The following ABCD2 variants were observed in gnomAD, a reference collection of about 807,000 sequenced individuals.
ABCD2 encodes the protein ATP binding cassette subfamily D member 2.
A neutral mutation model predicts 70.9 loss-of-function variants in ABCD2; 36 were observed. The observed-to-expected ratio is 0.51, with a 90% CI of 0.39 to 0.67. The LOEUF (loss-of-function observed/expected upper bound fraction) is 0.67. Among genes scored for constraint, ABCD2 ranks in the 30% least tolerant of loss-of-function variants. The probability of loss-of-function intolerance (pLI) is 0.00; values close to 1 mark genes in which losing one functional copy is unlikely to be tolerated. For synonymous variants in ABCD2, 304 were observed against 306.9 expected (o/e 0.99, Z 0.10); for missense variants, 729 against 890.2 (o/e 0.82, Z 2.30).
At chr12:39,567,955 C>T (rs943457577) in intron 9 of ABCD2, among the ~76,000 whole-genome samples, 8 of 151,910 alleles carry the variant, frequency 5.3e-5, no homozygotes, top group Non-Finnish European at 8.8e-5. Context: ...ATATTGGCCC[C>T]CACTCTCTTC....
intron 6 of ABCD2, among the ~76,000 whole-genome samples, chr12:39,588,579 A>G (rs888892295): frequency 3.3e-5 from 5 of 152,198 alleles, no homozygotes; most frequent in African/African-American, 1.2e-4. Flanking sequence ...TGGATTGCCA[A>G]TACTTTGACT....
At chr12:39,579,066 A>T (rs1311245166) in intron 8 of ABCD2, among the ~76,000 whole-genome samples, 2 of 152,228 alleles carry the variant, frequency 1.3e-5, no homozygotes, top group Admixed American at 6.5e-5. Flanking sequence ...TTCTACTATA[A>T]GAAAAAATAA....
rs764791765 is a variant in ABCD2 at position 39,619,083 on chromosome 12, C to A, written c.533G>T (p.Arg178Leu). 1.3e-5 allele frequency: 21 copies of A among 1,614,032 alleles called. No individual in the cohort carries two copies. Among genetic ancestry groups the A allele is most frequent in the Non-Finnish European group, 1.4e-5 (16 of 1,180,034 alleles). ...ECKLALAFRTRLVDHAYETYF... is the reference protein window; with the variant it reads ...ECKLALAFRTLLVDHAYETYF... Reference sequence around the variant, plus strand: ...GGTTTCATAGGCGTGGTCTACTAGGCGAGTTCTGAAGGCCAAAGCCAATTT... The same window carrying A: ...GGTTTCATAGGCGTGGTCTACTAGGAGAGTTCTGAAGGCCAAAGCCAATTT... Residue 178 changes from arginine (R) to leucine (L), a missense_variant, in exon 1 of 10, where the codon CGC (arginine) becomes CTC (leucine). By Grantham distance (102) the Arg-to-Leu change is moderately radical (BLOSUM62 -2). Transcript: ENST00000308666.
At chr12:39,592,580 C>G (rs986565939) in intron 6 of ABCD2, among the ~76,000 whole-genome samples, 1 of 152,204 alleles carries the variant, frequency 6.6e-6, no homozygotes, top group African/African-American at 2.4e-5. Context: ...AGTACAACCC[C>G]TACTCCCAAA....
chr12:39,560,802 C>T (rs1197674785), intron 9 of ABCD2, among the ~76,000 whole-genome samples: 4 of 151,788 alleles, frequency 2.6e-5, no homozygotes, highest in Admixed American at 1.3e-4. Context: ...CTCATGGTAA[C>T]CATGAAGCAA....
At chr12:39,601,406 T>C (rs1031230891) in intron 5 of ABCD2, among the ~76,000 whole-genome samples, 1 of 151,270 alleles carries the variant, frequency 6.6e-6, no homozygotes, top group African/African-American at 2.4e-5. Flanking sequence ...TATATAATAT[T>C]CATAAATAAA....
intron 9 of ABCD2, among the ~76,000 whole-genome samples, chr12:39,563,418 A>G (rs1941290729): frequency 6.6e-6 from 1 of 152,066 alleles, no homozygotes; most frequent in Non-Finnish European, 1.5e-5. Flanking sequence ...CAAAAATAAC[A>G]TGTTTTCTGT....
the ABCD2 span, among the ~76,000 whole-genome samples, chr12:39,540,713 T>G: frequency 2.0e-5 from 3 of 152,248 alleles, no homozygotes; most frequent in Non-Finnish European, 2.9e-5. Context: ...GAACATTTCC[T>G]TTCTATGATC....
chr12:39,577,042 C>T (rs953341167), intron 8 of ABCD2, among the ~76,000 whole-genome samples: 4 of 151,052 alleles, frequency 2.6e-5, no homozygotes, highest in Admixed American at 1.3e-4. Flanking sequence ...AAAATAACAA[C>T]GAATTTTTGC....
chr12:39,559,378 CAAAAA>C (rs199560381), intron 9 of ABCD2, among the ~76,000 whole-genome samples: 1 of 60,378 alleles, frequency 1.7e-5, no homozygotes. Flanking sequence ...ACTCCAGCTC[CAAAAA>C]AAAAAAAAAA....
rs1272222789 is a variant in ABCD2 at position 39,550,262 on chromosome 12, G to A, written c.*3650C>T. 6.6e-6 allele frequency: 1 copy of A among 151,614 alleles called. No homozygotes were observed. Among genetic ancestry groups the A allele is most frequent in the Non-Finnish European group, 1.5e-5 (1 of 67,710 alleles). 9.4% of individuals were successfully genotyped at this position (151,614 alleles called of 1,614,324 possible). ...TTGCAGTATAGAAACAGGGTATTTT[G>A]TAAAAATGGAATAATTTGTAATTCC... On this transcript the variant is annotated 3_prime_UTR_variant, in exon 10 of 10. Coordinates refer to ENST00000308666, the MANE Select transcript of ABCD2 (RefSeq NM_005164.4).
At chr12:39,536,148 G>A in the ABCD2 span, among the ~76,000 whole-genome samples, 3 of 152,126 alleles carry the variant, frequency 2.0e-5, no homozygotes, top group African/African-American at 7.2e-5. Flanking sequence ...AAAATACACA[G>A]TCCAGAAGAA....
the ABCD2 span, among the ~76,000 whole-genome samples, chr12:39,544,143 G>T: frequency 6.6e-6 from 1 of 152,106 alleles, no homozygotes. Flanking sequence ...TGGGTGGGGG[G>T]AAGCCAGTGA....
intron 9 of ABCD2, among the ~76,000 whole-genome samples, chr12:39,559,960 C>A (rs574091038): frequency 5.9e-5 from 9 of 152,186 alleles, no homozygotes; most frequent in African/African-American, 2.2e-4. Flanking sequence ...AGCAAGTAAA[C>A]AGTCAAATTC....
intron 7 of ABCD2, among the ~76,000 whole-genome samples, chr12:39,581,509 A>T (rs1941595355): frequency 2.0e-5 from 3 of 152,202 alleles, no homozygotes; most frequent in African/African-American, 7.2e-5. Context: ...ATCTTAAAAT[A>T]CCATCTGATT....
the ABCD2 span, among the ~76,000 whole-genome samples, chr12:39,541,229 A>C: frequency 6.6e-6 from 1 of 152,242 alleles, no homozygotes; most frequent in Non-Finnish European, 1.5e-5. Context: ...GATGTTAAAG[A>C]AAAGTAAAAT....
At chr12:39,549,533 A>G (rs76691804), downstream of ABCD2, among the ~76,000 whole-genome samples, 2,091 of 151,910 alleles carry the variant, frequency 0.014, 64 homozygotes, top group African/African-American at 0.047. Context: ...AGGGCCTCAA[A>G]ACTTTTGAAA....
At chr12:39,589,380 C>CT (rs1941711206) in intron 6 of ABCD2, among the ~76,000 whole-genome samples, 1 of 139,518 alleles carries the variant, frequency 7.2e-6, no homozygotes, top group African/African-American at 2.7e-5. Context: ...AAGCTTTGGT[C>CT]TGGGTTTTTT....
downstream of ABCD2, among the ~76,000 whole-genome samples, chr12:39,545,571 C>A (rs375742875): frequency 6.6e-6 from 1 of 152,238 alleles, no homozygotes; most frequent in East Asian, 1.9e-4. Context: ...TCACTCAAGC[C>A]GATACCTAAG....
Sources: allele counts gnomAD v4.1 joint callset (sites outside exome capture counted in the v4.1 genomes callset), GRCh38; gene constraint gnomAD v4.1.1; transcripts MANE v1.5; gene names NCBI Gene and HGNC (gene_info 2026-07-23, HGNC 2026-07-21).